MBD6: variants seen among roughly 807,000 people sequenced by gnomAD.
MBD6 encodes methyl-CpG binding domain protein 6.
Under a neutral mutation model 66.8 loss-of-function variants are expected in MBD6, and 22 were observed. The ratio of observed to expected loss-of-function variants is 0.33; its 90% CI spans 0.24 to 0.47. The LOEUF is 0.47. Ranked by LOEUF, MBD6 falls within the 20% of genes least tolerant of loss-of-function variation. MBD6 has a pLI of 1.00. For synonymous variants in MBD6, 540 were observed against 534.6 expected, an observed-to-expected ratio of 1.01 and a Z score of -0.14; for missense variants, 1,322 against 1,286.9, an observed-to-expected ratio of 1.03 and a Z score of -0.42.
chr12:57,526,679 C>G lies in MBD6; in HGVS notation c.1534C>G (p.Leu512Val). 2.0e-6 allele frequency: 3 copies of G among 1,528,384 alleles called. No individual in the cohort carries two copies. Among genetic ancestry groups the G allele is most frequent in the East Asian group, 2.3e-5 (1 of 44,082 alleles). 94.7% of individuals were successfully genotyped at this position (1,528,384 alleles called of 1,614,324 possible). ...GAGPACPLPP[L>V]AGGEAFPFPS... ...AGGCCCGGCCTGCCCTCTGCCTCCC[C>G]TGGCTGGTGGAGAGGCTTTCCCTTT... Residue 512 changes from leucine (L) to valine (V), a missense_variant, in exon 7 of 13, where the codon CTG (leucine) becomes GTG (valine). Leu to Val is a conservative substitution (Grantham distance 32). Transcript: ENST00000355673.
Position 57,529,552 on chromosome 12 carries a change from A to C in MBD6, c.*318A>C. 1 of 262,664 alleles carries C rather than the reference A, an allele frequency of 3.8e-6. No homozygotes were observed. Among genetic ancestry groups the C allele is most frequent in the Non-Finnish European group, 7.4e-6 (1 of 135,764 alleles). The allele number at this position is 262,664 out of a possible 1,614,324, so 16.3% of individuals were successfully genotyped here. A position where few individuals can be genotyped will look rare whatever the true frequency, so the allele number is the denominator to read the frequency against. ...CCCAGGTCTTTTATTTGTTTAAGTT[A>C]TTTTTGCACAAATGACTCTTTTATA... On this transcript the variant is annotated 3_prime_UTR_variant, in exon 13 of 13. Coordinates refer to ENST00000355673, the MANE Select transcript of MBD6 (RefSeq NM_052897.4).
At position 57,530,046 on chromosome 12, in the gene MBD6, C is replaced by A. The variant is rs1323605862; in HGVS notation, c.*812C>A. The A allele has an allele frequency of 6.6e-6, 1 of 152,626 alleles. No homozygotes were observed. The highest frequency in any genetic ancestry group is 6.5e-5 in the Admixed American group (1 of 15,280). 9.5% of individuals were successfully genotyped at this position (152,626 alleles called of 1,614,324 possible). ...CCTTTTCTTTTGTAAAGACAAGACC[C>A]TTGGGAGTTTTAATTCTGTTTTGTA... On this transcript the variant is annotated 3_prime_UTR_variant, in exon 13 of 13. Transcript: ENST00000355673.
At chr12:57,524,674 T>A in intron 3 of MBD6, 46 bp from the exon 4 acceptor site, 1 of 1,565,012 alleles carries the variant, frequency 6.4e-7, no homozygotes. Context: ...TATTGCCTGA[T>A]TCGCTGCCAG....
Position 57,529,577 on chromosome 12 carries a change from A to G in MBD6, c.*343A>G, listed in dbSNP as rs1286418009. 1.8e-5 allele frequency: 4 copies of G among 218,602 alleles called. No individual in the cohort carries two copies. Among genetic ancestry groups the G allele is most frequent in the Non-Finnish European group, 2.8e-5 (3 of 107,216 alleles). 13.5% of individuals were successfully genotyped at this position (218,602 alleles called of 1,614,324 possible). On this transcript the variant is annotated 3_prime_UTR_variant, in exon 13 of 13. Transcript: ENST00000355673. ...ATTTTTGCACAAATGACTCTTTTATATTTAATTCGATTTCATTGCCTCCCT... is the reference window on the plus strand; with the variant it reads ...ATTTTTGCACAAATGACTCTTTTATGTTTAATTCGATTTCATTGCCTCCCT...
rs747494746 is a variant in MBD6 at position 57,529,135 on chromosome 12, C to T, written c.2938-25C>T. On this transcript the variant is annotated intron_variant, in intron 12 of 12. Transcript: ENST00000355673. ...CCTGATACCTAGCAATTGACCACTT[C>T]TATCAACTTCCCCTCTGATATTAGG... 5 of 1,613,996 alleles carry T rather than the reference C, an allele frequency of 3.1e-6. No individual in the cohort carries two copies. In the South Asian group the frequency reaches 4.4e-5, roughly 14 times the overall value.
At position 57,525,391 on chromosome 12, in the gene MBD6, GC is replaced by G; in HGVS notation, c.429del (p.Ser144LeufsTer35). 1.3e-6 allele frequency: 2 copies of G among 1,544,352 alleles called. No individual in the cohort carries two copies. The highest frequency in any genetic ancestry group is 1.7e-6 in the Non-Finnish European group (2 of 1,152,634). ...PQMFHTVSPG[P>X]PSARPPCRVP... ...AAATGTTCCACACTGTGTCCCCAGGGCCCCCCTCTGCCCGCCCTCCCTGTCG... is the reference window on the plus strand; with the variant it reads ...AAATGTTCCACACTGTGTCCCCAGGGCCCCCTCTGCCCGCCCTCCCTGTCG... On this transcript the variant is annotated frameshift_variant, in exon 6 of 13. Transcript: ENST00000355673. LOFTEE classifies it high-confidence loss of function.
chr12:57,527,807 G>C, intron 8 of MBD6, 41 bp from the exon 9 acceptor site: 1 of 1,602,940 alleles, frequency 6.2e-7, no homozygotes, highest in South Asian at 1.1e-5. Context: ...AGCCTAATTG[G>C]TTTGCCTAGG....
chr12:57,527,313 C>G, intron 7 of MBD6, 86 bp downstream of exon 7: 1 of 1,128,980 alleles, frequency 8.9e-7, no homozygotes, highest in Non-Finnish European at 1.2e-6. Flanking sequence ...AGTTTCATTC[C>G]TGAGCTCTTC....
downstream of MBD6, chr12:57,530,504 C>G (rs2140109877): frequency 1.9e-6 from 1 of 515,874 alleles, no homozygotes; most frequent in East Asian, 3.1e-5. Flanking sequence ...TGATAACCAA[C>G]CCCTAGCTAC....
upstream of MBD6, chr12:57,521,717 A>G (rs916416439): frequency 4.6e-5 from 7 of 152,208 alleles, no homozygotes; most frequent in African/African-American, 1.7e-4. Context: ...GGCTTTCTCC[A>G]AGACCCTCTC....
chr12:57,523,620 A>G (rs1878602381), intron 1 of MBD6, among the ~76,000 whole-genome samples: 1 of 152,132 alleles, frequency 6.6e-6, no homozygotes, highest in South Asian at 2.1e-4. Context: ...CAGTTGGGCA[A>G]TTGCCTGGTG....
intron 5 of MBD6, 61 bp from the exon 6 acceptor site, chr12:57,525,287 A>C (rs922374888): frequency 2.0e-6 from 3 of 1,515,356 alleles, no homozygotes; most frequent in Non-Finnish European, 2.7e-6. Flanking sequence ...GGACTAGAGA[A>C]GACAAAAGAG....
In MBD6 at chr12:57,527,653, C is replaced by G; in HGVS notation, c.2229C>G (p.Ser743Arg). The change falls in exon 8 of 13, where the codon AGC becomes AGG. Residue 743 changes from serine to arginine, a missense_variant. By Grantham distance (110) the Ser-to-Arg change is moderately radical (BLOSUM62 -1). Coordinates refer to ENST00000355673, the MANE Select transcript of MBD6 (RefSeq NM_052897.4). ...PQLLSPLLGA[S>R]LLGDLSSLTS... ...TCCTTAGCCCTCTGCTGGGTGCCAG[C>G]CTGCTGGGTGAGTCTGAGGGAGTGT... 6.3e-7 allele frequency: 1 copy of G among 1,597,034 alleles called. No individual in the cohort carries two copies. Among genetic ancestry groups the G allele is most frequent in the Non-Finnish European group, 8.5e-7 (1 of 1,172,170 alleles).
In MBD6 at chr12:57,528,689, G is replaced by A; in HGVS notation, c.2844G>A (p.Lys948=). ...AGGTGCCCCCGGGAGTAGTCAGAAA[G>A]TCTCGTCGTGGCCGTAGGAGAAAAT... ...DLKVPPGVVR[K]SRRGRRRKYN... The change falls in exon 11 of 13, where the codon AAG becomes AAA. Residue 948 remains lysine (K), a synonymous_variant. Coordinates refer to ENST00000355673, the MANE Select transcript of MBD6 (RefSeq NM_052897.4). The A allele has an allele frequency of 1.2e-6, 2 of 1,614,192 alleles. No individual in the cohort carries two copies. The highest frequency in any genetic ancestry group is 1.7e-6 in the Non-Finnish European group (2 of 1,180,024).
Position 57,526,562 on chromosome 12 carries a change from A to T in MBD6, c.1421-4A>T, listed in dbSNP as rs1878976706. ...TTGAGCTGAATTTCTCTCCTCTTTT[A>T]CAGGTGCCCCTGCCCCACCAGCTGC... On this transcript the variant is annotated splice_polypyrimidine_tract_variant and splice_region_variant and intron_variant, in intron 6 of 12. Coordinates refer to ENST00000355673, the MANE Select transcript of MBD6 (RefSeq NM_052897.4). 2 of 1,510,684 alleles carry T rather than the reference A, an allele frequency of 1.3e-6. No homozygotes were observed. Among genetic ancestry groups the T allele is most frequent in the Non-Finnish European group, 1.8e-6 (2 of 1,131,078 alleles). 93.6% of individuals were successfully genotyped at this position (1,510,684 alleles called of 1,614,324 possible). A position where few individuals can be genotyped will look rare whatever the true frequency, so the allele number is the denominator to read the frequency against.
rs143621480 is a variant in MBD6 at position 57,525,807 on chromosome 12, C to T, written c.839C>T (p.Ala280Val). ...PPLPPSNNLP[A>V]HPGPASQPPV... is the part of the protein sequence containing the mutation. The stretch of plus-strand genomic sequence containing the variant: ...CTGCCCCCGAGCAATAATCTCCCCG[C>T]CCACCCTGGTCCTGCCTCTCAGCCA... Residue 280 changes from alanine (A) to valine (V), a missense_variant, in exon 6 of 13, where the codon GCC becomes GTC. Physicochemically the swap from Ala to Val is moderately conservative, Grantham distance 64. Transcript: ENST00000355673. The T allele has an allele frequency of 6.2e-7, 1 of 1,613,274 alleles. No individual in the cohort carries two copies. Among genetic ancestry groups the T allele is most frequent in the Non-Finnish European group, 8.5e-7 (1 of 1,179,630 alleles).
Position 57,526,192 on chromosome 12 carries a change from T to C in MBD6, c.1224T>C (p.Ile408=). 1 of 1,613,750 alleles carries C rather than the reference T, an allele frequency of 6.2e-7. No homozygotes were observed. The change falls in exon 6 of 13, where the codon ATT becomes ATC. Residue 408 remains isoleucine (I), a synonymous_variant. Coordinates refer to ENST00000355673, the MANE Select transcript of MBD6 (RefSeq NM_052897.4). Reference sequence around the variant, plus strand: ...CTCTCCCGGAGCCATCCCAACCAATTCTCCCTTCTGTGCTGTCCCTGCTGG... The same window carrying C: ...CTCTCCCGGAGCCATCCCAACCAATCCTCCCTTCTGTGCTGTCCCTGCTGG... ...PFSLPEPSQP[I]LPSVLSLLGL...
chr12:57,525,975 C>G lies in MBD6; in HGVS notation c.1007C>G (p.Pro336Arg), dbSNP rs753517788. Residue 336 changes from proline to arginine, a missense_variant, in exon 6 of 13, where the codon CCC becomes CGC. Coordinates refer to ENST00000355673, the MANE Select transcript of MBD6 (RefSeq NM_052897.4). ...GCCAAGGCACAGCATCCCCCACTAC[C>G]CCCTCCCAGCACTTTACAGGGCCGA... ...AAAKAQHPPL[P>R]PPSTLQGRRP... 6.2e-7 allele frequency: 1 copy of G among 1,613,742 alleles called. No individual in the cohort carries two copies. Among genetic ancestry groups the G allele is most frequent in the Non-Finnish European group, 8.5e-7 (1 of 1,179,916 alleles).
rs756453796 is a variant in MBD6, at chr12:57,526,068, G to A, written c.1100G>A (p.Arg367His). 19 of 1,613,466 alleles carry A rather than the reference G, an allele frequency of 1.2e-5. No individual in the cohort carries two copies. The highest frequency in any genetic ancestry group is 5.4e-5 in the African/African-American group (4 of 74,706). Residue 367 changes from arginine (R) to histidine (H), a missense_variant, in exon 6 of 13, where the codon CGC (arginine) becomes CAC (histidine). Arg to His is a conservative substitution (Grantham distance 29). Transcript: ENST00000355673. Reference protein sequence around the residue: ...SSLRPSQRRPRRPPTVFRLLE... With the variant: ...SSLRPSQRRPHRPPTVFRLLE... Reference sequence around the variant, plus strand: ...CTTCGTCCCTCTCAGCGTCGTCCCCGCAGACCCCCTACTGTATTTCGATTG... The same window carrying A: ...CTTCGTCCCTCTCAGCGTCGTCCCCACAGACCCCCTACTGTATTTCGATTG...
Sources: allele counts gnomAD v4.1 joint callset (sites outside exome capture counted in the v4.1 genomes callset), GRCh38; gene constraint gnomAD v4.1.1; transcripts MANE v1.5; gene names NCBI Gene and HGNC (gene_info 2026-07-23, HGNC 2026-07-21).